MAN2A2: variants seen among roughly 807,000 people sequenced by gnomAD.
MAN2A2 encodes the protein mannosidase alpha class 2A member 2.
MAN2A2 carries 79 observed loss-of-function variants against 126.8 expected under a neutral mutation model. The observed-to-expected ratio is 0.62, with a 90% CI of 0.52 to 0.75. The LOEUF is 0.75. Among genes scored for constraint, MAN2A2 ranks in the 30% least tolerant of loss-of-function variants. The pLI is 0.00. For missense variants in MAN2A2, 1,392 were observed against 1,522.4 expected (o/e 0.91, Z 1.43); for synonymous variants, 671 against 618.7 (o/e 1.08, Z -1.25).
chr15:90,904,628 C>T (rs1371728743), intron 2 of MAN2A2, among the ~76,000 whole-genome samples: 2 of 150,738 alleles, frequency 1.3e-5, no homozygotes, highest in African/African-American at 4.9e-5. Flanking sequence ...CTCGCTCTGT[C>T]GCCCAGCCTT....
intron 19 of MAN2A2, chr15:90,915,375 G>C (rs951621212): frequency 1.1e-4 from 16 of 152,206 alleles, no homozygotes; most frequent in Admixed American, 9.2e-4. Flanking sequence ...TTTCCCTCGA[G>C]ATCTTGTACA....
In MAN2A2 at chr15:90,918,395, G is replaced by T. The variant is rs2035349624; in HGVS notation, c.3189+7G>T. On this transcript the variant is annotated splice_region_variant and intron_variant, in intron 21 of 22. Coordinates refer to ENST00000559717, the MANE Select transcript of MAN2A2 (RefSeq NM_006122.4). ...ACGTACGCTCCAGGCTGAGGTGAGT[G>T]TCCCTCAGCGTGACATGCTGAGAGC... 1.2e-6 allele frequency: 2 copies of T among 1,611,032 alleles called. No individual in the cohort carries two copies. Among genetic ancestry groups the T allele is most frequent in the South Asian group, 2.2e-5 (2 of 90,794 alleles).
chr15:90,907,470 A>T lies in MAN2A2; in HGVS notation c.1171A>T (p.Ile391Phe). The T allele has an allele frequency of 1.2e-6, 2 of 1,613,052 alleles. No individual in the cohort carries two copies. Among genetic ancestry groups the T allele is most frequent in the Non-Finnish European group, 1.7e-6 (2 of 1,179,950 alleles). Residue 391 changes from isoleucine to phenylalanine, a missense_variant, in exon 8 of 23, where the codon ATC becomes TTC. Physicochemically the swap from Ile to Phe is conservative, Grantham distance 21. Coordinates refer to ENST00000559717, the MANE Select transcript of MAN2A2 (RefSeq NM_006122.4). The stretch of plus-strand genomic sequence containing the variant: ...CCCTTGGAAGGTGCCACCCCGGGCC[A>T]TCACAGAGGCCAACGTGGCAGAGAG... ...NCPWKVPPRAITEANVAERAA... is the reference protein window; with the variant it reads ...NCPWKVPPRAFTEANVAERAA...
chr15:90,916,912 T>A (rs1263523437), intron 20 of MAN2A2, among the ~76,000 whole-genome samples: 3 of 152,176 alleles, frequency 2.0e-5, no homozygotes, highest in Non-Finnish European at 2.9e-5. Context: ...TCACTGATCC[T>A]GAGGAGCAAG....
chr15:90,914,328 GAAA>G (rs1266052852), intron 19 of MAN2A2, among the ~76,000 whole-genome samples: 3 of 151,174 alleles, frequency 2.0e-5, no homozygotes, highest in African/African-American at 7.4e-5. Context: ...GACCCAGTCT[GAAA>G]AAAAAGGCAA....
rs2035468522 is a variant in MAN2A2 at position 90,919,907 on chromosome 15, G to C, written c.*120G>C. The C allele has an allele frequency of 8.3e-7, 1 of 1,201,726 alleles. No individual in the cohort carries two copies. The highest frequency in any genetic ancestry group is 1.2e-6 in the Non-Finnish European group (1 of 857,444). 74.4% of individuals were successfully genotyped at this position (1,201,726 alleles called of 1,614,324 possible). A position where few individuals can be genotyped will look rare whatever the true frequency, so the allele number is the denominator to read the frequency against. The stretch of plus-strand genomic sequence containing the variant: ...TGCCTCCCAGAACTGTGACACACTG[G>C]GCTCTGCCCTCATTTTCTGTTTATT... On this transcript the variant is annotated 3_prime_UTR_variant, in exon 23 of 23. Coordinates refer to ENST00000559717, the MANE Select transcript of MAN2A2 (RefSeq NM_006122.4).
At chr15:90,904,166 T>G (rs753188881) in intron 1 of MAN2A2, 24 bp from the exon 2 acceptor site, 3 of 1,613,958 alleles carry the variant, frequency 1.9e-6, no homozygotes, top group Non-Finnish European at 2.5e-6. Flanking sequence ...ATGTTGGAGC[T>G]ACAGATGGTG....
rs756399940 is a variant in MAN2A2 at position 90,918,737 on chromosome 15, C to T, written c.3282C>T (p.Cys1094=). 2.6e-6 allele frequency: 4 copies of T among 1,521,398 alleles called. No individual in the cohort carries two copies. The Admixed American group carries it at 6.7e-5, about 25-fold the overall frequency. 94.2% of individuals were successfully genotyped at this position (1,521,398 alleles called of 1,614,324 possible). A position where few individuals can be genotyped will look rare whatever the true frequency, so the allele number is the denominator to read the frequency against. The change falls in exon 22 of 23, where the codon TGC becomes TGT. Residue 1094 remains cysteine, a synonymous_variant. Coordinates refer to ENST00000559717, the MANE Select transcript of MAN2A2 (RefSeq NM_006122.4). ...GLEAKNLGFN[C]TTSQGKVALG... ...AGGCCAAGAACTTGGGCTTCAACTG[C>T]ACCACAAGCCAAGGCAAGGTGAGTA...
chr15:90,905,542 C>T (rs889346913), intron 3 of MAN2A2, 34 bp downstream of exon 3: 9 of 1,614,114 alleles, frequency 5.6e-6, no homozygotes, highest in Non-Finnish European at 7.6e-6. Flanking sequence ...CGTACAGTGG[C>T]CACGACTGGG....
chr15:90,912,418 G>T, intron 15 of MAN2A2, 124 bp from the exon 16 acceptor site: 1 of 1,581,804 alleles, frequency 6.3e-7, no homozygotes, highest in Admixed American at 1.7e-5. Context: ...GGCCATCTCA[G>T]CTCCAGCCTG....
At chr15:90,914,134 G>C (rs2151319256) in intron 19 of MAN2A2, among the ~76,000 whole-genome samples, 1 of 152,344 alleles carries the variant, frequency 6.6e-6, no homozygotes, top group South Asian at 2.1e-4. Context: ...TTTGAGACCA[G>C]CCTGGGCAAC....
intron 20 of MAN2A2, 32 bp from the exon 21 acceptor site, chr15:90,918,162 T>C: frequency 6.3e-7 from 1 of 1,597,750 alleles, no homozygotes. Context: ...CTGGCTTTGG[T>C]CCCTCACCAA....
chr15:90,917,419 A>G (rs1248273701), intron 20 of MAN2A2, among the ~76,000 whole-genome samples: 2 of 152,226 alleles, frequency 1.3e-5, no homozygotes, highest in Non-Finnish European at 2.9e-5. Context: ...TGGTCTCAGC[A>G]TGTCACGCTG....
chr15:90,909,595 G>C lies in MAN2A2; in HGVS notation c.1374+91G>C, dbSNP rs1324965304. ...GTGCCCTGGGTTCCCAACTCGGGCA[G>C]GGTGCCCCCCTTTTTTTTTTTTTTT... On this transcript the variant is annotated intron_variant, in intron 9 of 22. Coordinates refer to ENST00000559717, the MANE Select transcript of MAN2A2 (RefSeq NM_006122.4). 4 of 1,320,686 alleles carry C rather than the reference G, an allele frequency of 3.0e-6. No homozygotes were observed. In the African/African-American group the frequency reaches 4.5e-5, roughly 15 times the overall value. 81.8% of individuals were successfully genotyped at this position (1,320,686 alleles called of 1,614,324 possible).
rs763733737 is a variant in MAN2A2 at position 90,918,367 on chromosome 15, C to T, written c.3168C>T (p.Asn1056=). The T allele has an allele frequency of 1.2e-6, 2 of 1,613,946 alleles. No homozygotes were observed. Among genetic ancestry groups the T allele is most frequent in the Admixed American group, 1.7e-5 (1 of 60,008 alleles). Residue 1056 remains asparagine (N), a synonymous_variant, in exon 21 of 23, where the codon AAC becomes AAT. Coordinates refer to ENST00000559717, the MANE Select transcript of MAN2A2 (RefSeq NM_006122.4). ...SSLPCDFHLL[N]LRTLQAEEDT... is the part of the protein sequence containing the mutation. Reference sequence around the variant, plus strand: ...TGCCCTGTGACTTCCACCTGCTCAACCTACGTACGCTCCAGGCTGAGGTGA... The same window carrying T: ...TGCCCTGTGACTTCCACCTGCTCAATCTACGTACGCTCCAGGCTGAGGTGA...
rs771747068 is a variant in MAN2A2, at chr15:90,919,654, TC to T, written c.3322del (p.His1108MetfsTer13). The T allele has an allele frequency of 6.2e-7, 1 of 1,614,176 alleles. No individual in the cohort carries two copies. Reference sequence around the variant, plus strand: ...CCACAGGTAGCCCTGGGCAGCCTTTTCCATGGCCTGGATGTGGTATTCCTTC... The same window carrying T: ...CCACAGGTAGCCCTGGGCAGCCTTTTCATGGCCTGGATGTGGTATTCCTTC... Reference protein sequence around the residue: ...SQGKVALGSLFHGLDVVFLQP... With the variant: ...SQGKVALGSLXHGLDVVFLQP... On this transcript the variant is annotated frameshift_variant, in exon 23 of 23. Transcript: ENST00000559717. LOFTEE classifies it high-confidence loss of function.
rs752093232 is a variant in MAN2A2 at position 90,919,800 on chromosome 15, C to A, written c.*13C>A. 7 of 1,613,500 alleles carry A rather than the reference C, an allele frequency of 4.3e-6. No individual in the cohort carries two copies. The East Asian group carries it at 1.3e-4, about 31-fold the overall frequency. ...CCGCTTGGGTTAGGGCTTCTTGTGGCCTGAAGAGAAAGTTCATTCACAGAG... is the reference window on the plus strand; with the variant it reads ...CCGCTTGGGTTAGGGCTTCTTGTGGACTGAAGAGAAAGTTCATTCACAGAG... On this transcript the variant is annotated 3_prime_UTR_variant, in exon 23 of 23. Coordinates refer to ENST00000559717, the MANE Select transcript of MAN2A2 (RefSeq NM_006122.4).
intron 7 of MAN2A2, 112 bp downstream of exon 7, chr15:90,907,025 G>A (rs1178609762): frequency 3.7e-6 from 5 of 1,336,752 alleles, no homozygotes; most frequent in Non-Finnish European, 5.2e-6. Context: ...TGCAGGCACT[G>A]GTGTGGACTG....
intron 10 of MAN2A2, 47 bp downstream of exon 10, chr15:90,910,339 T>G: frequency 1.9e-6 from 3 of 1,603,908 alleles, no homozygotes; most frequent in Non-Finnish European, 2.6e-6. Context: ...GAGTCAGCCT[T>G]TGGGGTTTAA....
Sources: gnomAD v4.1 joint callset for allele counts (sites outside exome capture counted in the v4.1 genomes callset) on GRCh38, gnomAD v4.1.1 for gene constraint, MANE v1.5 for transcripts, NCBI Gene and HGNC (gene_info 2026-07-23, HGNC 2026-07-21) for gene names.